The following SLC16A10 variants were observed in gnomAD, a reference collection of about 807,000 sequenced individuals.
SLC16A10 encodes the protein monocarboxylate transporter 10.
SLC16A10 carries 27 observed loss-of-function variants against 40.0 expected under a neutral mutation model. The ratio of observed to expected loss-of-function variants is 0.67; its 90% CI spans 0.50 to 0.93. The LOEUF (loss-of-function observed/expected upper bound fraction) is 0.93. Among genes scored for constraint, SLC16A10 ranks in the 40% least tolerant of loss-of-function variants. SLC16A10 has a pLI of 0.00. For missense variants in SLC16A10, 529 were observed against 658.2 expected (o/e 0.80, Z 2.15); for synonymous variants, 213 against 249.8 (o/e 0.85, Z 1.39).
chr6:111,108,503 A>G (rs1771326734), intron 1 of SLC16A10, among the ~76,000 whole-genome samples: 2 of 152,228 alleles, frequency 1.3e-5, no homozygotes, highest in Middle Eastern at 3.2e-3. Context: ...TCACAAAAGT[A>G]TCTTGAACTT....
chr6:111,116,294 T>G (rs1398294619), intron 1 of SLC16A10, among the ~76,000 whole-genome samples: 2 of 152,128 alleles, frequency 1.3e-5, no homozygotes, highest in African/African-American at 4.8e-5. Flanking sequence ...CTCGGCTCAC[T>G]GAAACCTCCG....
At chr6:111,191,343 A>G (rs1275646161) in intron 3 of SLC16A10, among the ~76,000 whole-genome samples, 1 of 152,218 alleles carries the variant, frequency 6.6e-6, no homozygotes, top group Non-Finnish European at 1.5e-5. Context: ...TGCAAAGGAC[A>G]TGAACTCATC....
intron 1 of SLC16A10, among the ~76,000 whole-genome samples, chr6:111,164,213 C>G (rs1772429697): frequency 6.8e-6 from 1 of 146,724 alleles, no homozygotes; most frequent in African/African-American, 2.7e-5. Context: ...ATTTAAATTC[C>G]CATGCCTTCT....
chr6:111,124,457 G>T (rs1416378043), intron 1 of SLC16A10, among the ~76,000 whole-genome samples: 1 of 151,870 alleles, frequency 6.6e-6, no homozygotes, highest in African/African-American at 2.4e-5. Context: ...GACCTCCCAG[G>T]CTCAAGTGAC....
intron 3 of SLC16A10, among the ~76,000 whole-genome samples, chr6:111,188,289 T>C (rs1772934003): frequency 6.7e-6 from 1 of 149,156 alleles, no homozygotes; most frequent in South Asian, 2.2e-4. Context: ...CTCCCTTCCT[T>C]CTTTCTTCCC....
chr6:111,214,909 A>G (rs1460942218), intron 4 of SLC16A10, among the ~76,000 whole-genome samples: 2 of 151,940 alleles, frequency 1.3e-5, no homozygotes, highest in African/African-American at 2.4e-5. Flanking sequence ...CACGAGGTCA[A>G]GAGATCAAGA....
chr6:111,143,853 G>A (rs1462894662), intron 1 of SLC16A10, among the ~76,000 whole-genome samples: 2 of 152,134 alleles, frequency 1.3e-5, no homozygotes, highest in East Asian at 1.9e-4. Flanking sequence ...GCTGGGCATG[G>A]TGACTCATGT....
chr6:111,170,932 G>A (rs1231411143), intron 1 of SLC16A10, among the ~76,000 whole-genome samples: 2 of 152,152 alleles, frequency 1.3e-5, no homozygotes, highest in Non-Finnish European at 2.9e-5. Flanking sequence ...AAGCCCAGGA[G>A]TTTGAGACCA....
chr6:111,121,569 A>C (rs1771584127), intron 1 of SLC16A10, among the ~76,000 whole-genome samples: 1 of 152,216 alleles, frequency 6.6e-6, no homozygotes, highest in South Asian at 2.1e-4. Flanking sequence ...TTAAACAAAC[A>C]AAAGAGATTG....
intron 3 of SLC16A10, among the ~76,000 whole-genome samples, chr6:111,193,725 T>A (rs1005072319): frequency 1.3e-5 from 2 of 152,170 alleles, no homozygotes; most frequent in Non-Finnish European, 2.9e-5. Context: ...GGGGTGGAAA[T>A]TATCCCTGTA....
intron 1 of SLC16A10, among the ~76,000 whole-genome samples, chr6:111,110,236 G>A (rs1771361372): frequency 6.6e-6 from 1 of 152,148 alleles, no homozygotes; most frequent in South Asian, 2.1e-4. Flanking sequence ...AGTCTGTGGA[G>A]CAGTGAATGG....
chr6:111,157,798 G>A (rs932015193), intron 1 of SLC16A10, among the ~76,000 whole-genome samples: 1 of 151,842 alleles, frequency 6.6e-6, no homozygotes, highest in East Asian at 1.9e-4. Context: ...ATACATAAAT[G>A]TGGGAGACTA....
chr6:111,172,908 A>G, intron 2 of SLC16A10, 69 bp downstream of exon 2: 1 of 1,542,520 alleles, frequency 6.5e-7, no homozygotes, highest in Non-Finnish European at 8.8e-7. Context: ...ACTTTCAGAA[A>G]CTATGCTATT....
At position 111,226,049 on chromosome 6, in the gene SLC16A10, A is replaced by G. The variant is rs1398934801; in HGVS notation, c.*3814A>G. ...TTCTCTCAGCCTTCGACTTAGTTCT[A>G]ATGATCTACATTGAATTTAAATTAC... On this transcript the variant is annotated 3_prime_UTR_variant, in exon 6 of 6. Coordinates refer to ENST00000368851, the MANE Select transcript of SLC16A10 (RefSeq NM_018593.5). The G allele has an allele frequency of 1.3e-5, 2 of 152,172 alleles. No homozygotes were observed. Among genetic ancestry groups the G allele is most frequent in the Non-Finnish European group, 2.9e-5 (2 of 68,026 alleles). 9.4% of individuals were successfully genotyped at this position (152,172 alleles called of 1,614,324 possible). A position where few individuals can be genotyped will look rare whatever the true frequency, so the allele number is the denominator to read the frequency against.
chr6:111,134,999 G>A (rs1425637292), intron 1 of SLC16A10, among the ~76,000 whole-genome samples: 1 of 152,124 alleles, frequency 6.6e-6, no homozygotes, highest in Non-Finnish European at 1.5e-5. Flanking sequence ...ACTATCCCAG[G>A]ACAGCCAGTC....
chr6:111,138,368 A>G (rs1771919801), intron 1 of SLC16A10, among the ~76,000 whole-genome samples: 1 of 152,196 alleles, frequency 6.6e-6, no homozygotes, highest in African/African-American at 2.4e-5. Flanking sequence ...ATTCATCATG[A>G]TGATTTGCCT....
intron 1 of SLC16A10, among the ~76,000 whole-genome samples, chr6:111,093,677 A>G (rs1462629228): frequency 6.6e-6 from 1 of 152,218 alleles, no homozygotes; most frequent in Non-Finnish European, 1.5e-5. Flanking sequence ...TATCTTAGAA[A>G]AATTTTTAGT....
At chr6:111,130,424 C>T (rs758962941) in intron 1 of SLC16A10, among the ~76,000 whole-genome samples, 6 of 152,212 alleles carry the variant, frequency 3.9e-5, no homozygotes, top group Non-Finnish European at 7.3e-5. Flanking sequence ...TACATGTAAA[C>T]AGTGCTTAGA....
chr6:111,133,254 C>G (rs778531066), intron 1 of SLC16A10, among the ~76,000 whole-genome samples: 3 of 152,108 alleles, frequency 2.0e-5, no homozygotes, highest in Non-Finnish European at 4.4e-5. Context: ...AAGCAGAGGT[C>G]CATGGGTGGT....
Sources: allele counts gnomAD v4.1 joint callset (sites outside exome capture counted in the v4.1 genomes callset), GRCh38; gene constraint gnomAD v4.1.1; transcripts MANE v1.5; gene names NCBI Gene and HGNC (gene_info 2026-07-23, HGNC 2026-07-21).